The following GALNT17 variants were observed in gnomAD, a reference collection of about 807,000 sequenced individuals.
The protein encoded by GALNT17 is polypeptide N-acetylgalactosaminyltransferase 17, also known as UDP-GalNAc:polypeptide N-acetylgalactosaminyltransferase-like 3.
A neutral mutation model predicts 63.7 loss-of-function variants in GALNT17; 29 were observed. The observed-to-expected ratio is 0.46, with a 90% CI of 0.34 to 0.62. The LOEUF is 0.62. Ranked by LOEUF, GALNT17 falls within the 20% of genes least tolerant of loss-of-function variation. The probability of loss-of-function intolerance (pLI) is 0.01; values close to 1 mark genes in which losing one functional copy is unlikely to be tolerated. For synonymous variants in GALNT17, 305 were observed against 318.3 expected (o/e 0.96, Z 0.45); for missense variants, 603 against 799.6 (o/e 0.75, Z 2.97).
intron 5 of GALNT17, among the ~76,000 whole-genome samples, chr7:71,560,193 CAAAAAAA>C (rs57189106): frequency 6.4e-4 from 60 of 94,448 alleles, no homozygotes; most frequent in Middle Eastern, 6.0e-3. Context: ...GACTCCATCT[CAAAAAAA>C]AAAAAAAAAA....
chr7:71,393,360 G>A (rs1793083691), intron 3 of GALNT17, among the ~76,000 whole-genome samples: 2 of 151,856 alleles, frequency 1.3e-5, no homozygotes, highest in Admixed American at 1.3e-4. Flanking sequence ...GCTCTTTGTT[G>A]GAAAATTCGA....
intron 1 of GALNT17, among the ~76,000 whole-genome samples, chr7:71,176,370 C>T (rs568235626): frequency 9.2e-5 from 14 of 152,090 alleles, no homozygotes; most frequent in African/African-American, 2.4e-4. Flanking sequence ...AAACCCTGCC[C>T]GTCCAGGGGC....
chr7:71,599,143 A>G (rs535049469), intron 6 of GALNT17, among the ~76,000 whole-genome samples: 2 of 152,236 alleles, frequency 1.3e-5, no homozygotes, highest in South Asian at 2.1e-4. Context: ...ATGGGACACC[A>G]TGAGTCTTGG....
intron 5 of GALNT17, among the ~76,000 whole-genome samples, chr7:71,502,916 G>A (rs1232618189): frequency 1.3e-5 from 2 of 152,174 alleles, no homozygotes; most frequent in Non-Finnish European, 2.9e-5. Context: ...AAGTGCTTGA[G>A]ATGGCTCTTA....
rs542162179 is a variant in GALNT17, at chr7:71,133,625, G to A, written c.238+585G>A. On this transcript the variant is annotated intron_variant, in intron 1 of 10. Coordinates refer to ENST00000333538, the MANE Select transcript of GALNT17 (RefSeq NM_022479.3). ...GCCTGTGTTTCTCCTTGGGGGCTGC[G>A]GAGGGGCGATTGTTAAAGCTCAGGG... Among the ~76,000 whole-genome samples the A allele has an allele frequency of 3.2e-4, 49 of 152,296 alleles. 1 individual carries two copies. The South Asian group carries it at 9.5e-3, about 30-fold the overall frequency.
At chr7:71,303,894 G>A (rs1176684045) in intron 1 of GALNT17, among the ~76,000 whole-genome samples, 2 of 152,118 alleles carry the variant, frequency 1.3e-5, no homozygotes, top group African/African-American at 2.4e-5. Flanking sequence ...AAACGCCTCC[G>A]GGGCAGCTGT....
At chr7:71,318,339 T>C (rs1791537002) in intron 1 of GALNT17, among the ~76,000 whole-genome samples, 1 of 152,038 alleles carries the variant, frequency 6.6e-6, no homozygotes, top group Admixed American at 6.6e-5. Context: ...TCCACATTCT[T>C]GCTTATAGCC....
At chr7:71,225,093 C>T (rs12672193) in intron 1 of GALNT17, among the ~76,000 whole-genome samples, 47,427 of 151,920 alleles carry the variant, frequency 0.31, 8,841 homozygotes, top group South Asian at 0.53. Context: ...CTCAGCCTCC[C>T]GCGTAGCTGT....
chr7:71,198,758 G>C (rs554844176), intron 1 of GALNT17, among the ~76,000 whole-genome samples: 2 of 152,296 alleles, frequency 1.3e-5, no homozygotes, highest in South Asian at 4.1e-4. Context: ...ATTTCATCCA[G>C]AAGGTCTCTA....
At chr7:71,702,463 C>T (rs1791665675) in intron 9 of GALNT17, among the ~76,000 whole-genome samples, 1 of 152,016 alleles carries the variant, frequency 6.6e-6, no homozygotes, top group African/African-American at 2.4e-5. Flanking sequence ...TGACATGTGG[C>T]TGGAAGTTCT....
chr7:71,234,630 A>G lies in GALNT17; in HGVS notation c.239-100920A>G, dbSNP rs188085213. On this transcript the variant is annotated intron_variant, in intron 1 of 10. Coordinates refer to ENST00000333538, the MANE Select transcript of GALNT17 (RefSeq NM_022479.3). ...GGGGTAGGGTGAATGGAGGGAAACT[A>G]AACTGCACCCACTACAAACTGAGCT... Among the ~76,000 whole-genome samples, 953 of 152,324 alleles carry G rather than the reference A, an allele frequency of 6.3e-3. 5 individuals are homozygous for G. The highest frequency in any genetic ancestry group is 9.6e-3 in the Non-Finnish European group (650 of 68,030).
rs549330206 is a variant in GALNT17 at position 71,508,960 on chromosome 7, G to A, written c.963-62325G>A. 5.6e-4 allele frequency among the ~76,000 whole-genome samples: 85 copies of A among 152,204 alleles called. No individual in the cohort carries two copies. In the South Asian group the frequency reaches 0.012, roughly 22 times the overall value. On this transcript the variant is annotated intron_variant, in intron 5 of 10. Coordinates refer to ENST00000333538, the MANE Select transcript of GALNT17 (RefSeq NM_022479.3). ...TGTATGCGTGTGCATGCCCGTTCCC[G>A]TGTGTCTGCGTACATACAGCCTCTC...
chr7:71,147,282 G>A (rs1467012411), intron 1 of GALNT17, among the ~76,000 whole-genome samples: 1 of 152,172 alleles, frequency 6.6e-6, no homozygotes, highest in Non-Finnish European at 1.5e-5. Context: ...TCAGGAGCAA[G>A]GAGAGCCTGT....
intron 9 of GALNT17, among the ~76,000 whole-genome samples, chr7:71,700,318 AAAG>A (rs1373077268): frequency 3.6e-4 from 55 of 151,370 alleles, no homozygotes; most frequent in African/African-American, 1.2e-3. Context: ...AAAAAAAAAA[AAAG>A]AAGAATTCTT....
chr7:71,263,705 C>G (rs563029368), intron 1 of GALNT17, among the ~76,000 whole-genome samples: 2 of 151,954 alleles, frequency 1.3e-5, no homozygotes, highest in East Asian at 3.9e-4. Flanking sequence ...GGGCGGATCA[C>G]TAGGTCAGGA....
chr7:71,677,365 C>G, intron 9 of GALNT17, 59 bp downstream of exon 9: 1 of 1,489,518 alleles, frequency 6.7e-7, no homozygotes, highest in Middle Eastern at 1.8e-4. Flanking sequence ...CCCACAGAGG[C>G]CTTGCAGGCC....
At chr7:71,463,128 A>G (rs556340869) in intron 5 of GALNT17, among the ~76,000 whole-genome samples, 427 of 152,298 alleles carry the variant, frequency 2.8e-3, no homozygotes, top group Non-Finnish European at 4.8e-3. Context: ...GGGTGAAGTC[A>G]CAGGACAGGG....
intron 2 of GALNT17, among the ~76,000 whole-genome samples, chr7:71,363,219 G>A (rs1005355982): frequency 2.0e-5 from 3 of 152,000 alleles, no homozygotes; most frequent in Non-Finnish European, 4.4e-5. Flanking sequence ...CACCCACCTC[G>A]GCCTCCCAAA....
chr7:71,240,885 C>T (rs1177118289), intron 1 of GALNT17, among the ~76,000 whole-genome samples: 1 of 152,012 alleles, frequency 6.6e-6, no homozygotes, highest in Non-Finnish European at 1.5e-5. Context: ...AGGATGGTCT[C>T]GATCTCCTGA....
Sources: gnomAD v4.1 joint callset for allele counts (sites outside exome capture counted in the v4.1 genomes callset) on GRCh38, gnomAD v4.1.1 for gene constraint, MANE v1.5 for transcripts, NCBI Gene and HGNC (gene_info 2026-07-23, HGNC 2026-07-21) for gene names.